The following HDAC4 variants were observed in gnomAD, a reference collection of about 807,000 sequenced individuals.
HDAC4 encodes the protein histone deacetylase 4, also known as histone deacetylase A.
A neutral mutation model predicts 135.1 loss-of-function variants in HDAC4; 16 were observed. The ratio of observed to expected loss-of-function variants is 0.12; its 90% CI spans 0.08 to 0.18. HDAC4 has a LOEUF of 0.18. HDAC4 is among the 10% of genes least tolerant of loss of function. The pLI, the probability that HDAC4 is intolerant of heterozygous loss-of-function variation, is 1.00. For missense variants in HDAC4, 1,143 were observed against 1,511.8 expected, an observed-to-expected ratio of 0.76 and a Z score of 4.05; for synonymous variants, 685 against 653.4, an observed-to-expected ratio of 1.05 and a Z score of -0.74.
At chr2:239,241,535 C>T (rs1248180575) in intron 2 of HDAC4, among the ~76,000 whole-genome samples, 4 of 152,152 alleles carry the variant, frequency 2.6e-5, no homozygotes, top group Non-Finnish European at 5.9e-5. Flanking sequence ...AACATTAATC[C>T]TCTGTCAATT....
intron 1 of HDAC4, among the ~76,000 whole-genome samples, chr2:239,397,032 A>G (rs1342548688): frequency 1.3e-5 from 2 of 152,274 alleles, no homozygotes; most frequent in Admixed American, 6.5e-5. Flanking sequence ...AGTACTGCCC[A>G]GACCTATGAA....
rs997255207 is a variant in HDAC4 at position 239,245,836 on chromosome 2, C to T, written c.23-9172G>A. Among the ~76,000 whole-genome samples, 6 of 152,208 alleles carry T rather than the reference C, an allele frequency of 3.9e-5. No individual in the cohort carries two copies. The highest frequency in any genetic ancestry group is 1.2e-4 in the African/African-American group (5 of 41,454). ...GTGATCTACCTAACTTGTTCCTTCA[C>T]GAATATCCCAACAGTCTTCAGTTCA... On this transcript the variant is annotated intron_variant, in intron 2 of 26. Coordinates refer to ENST00000543185, the MANE Select transcript of HDAC4 (RefSeq NM_001378414.1). The surrounding 1 kb of genome is among the most constrained non-coding windows in gnomAD (Gnocchi z 4.4).
chr2:239,198,769 G>A (rs1222533275), intron 3 of HDAC4, among the ~76,000 whole-genome samples: 1 of 152,040 alleles, frequency 6.6e-6, no homozygotes, highest in Admixed American at 6.6e-5. Context: ...ACCTTTCTCT[G>A]GAATATATAT....
At chr2:239,113,118 T>C (rs537920069) in intron 13 of HDAC4, among the ~76,000 whole-genome samples, 1 of 152,108 alleles carries the variant, frequency 6.6e-6, no homozygotes, top group South Asian at 2.1e-4. Flanking sequence ...GGCGTGATGG[T>C]GGGTGCCTGT....
chr2:239,225,703 TA>T (rs1364437191), intron 3 of HDAC4, among the ~76,000 whole-genome samples: 9 of 149,538 alleles, frequency 6.0e-5, no homozygotes, highest in African/African-American at 2.2e-4. Context: ...GGCGCCTGAC[TA>T]AACCGCCTTC....
chr2:239,390,170 G>A (rs980997946), intron 1 of HDAC4, among the ~76,000 whole-genome samples: 1 of 152,188 alleles, frequency 6.6e-6, no homozygotes, highest in Non-Finnish European at 1.5e-5. Flanking sequence ...ACAATTCCCT[G>A]AGGCCACAGT....
intron 22 of HDAC4, among the ~76,000 whole-genome samples, chr2:239,075,659 C>T (rs544241797): frequency 2.6e-4 from 39 of 152,348 alleles, no homozygotes; most frequent in Non-Finnish European, 4.6e-4. Flanking sequence ...CGTGTGAAGC[C>T]GTGGGGTGCC....
intron 19 of HDAC4, among the ~76,000 whole-genome samples, chr2:239,085,481 C>T (rs1386981230): frequency 6.6e-6 from 1 of 152,226 alleles, no homozygotes; most frequent in African/African-American, 2.4e-5. Flanking sequence ...TCACGGGGAG[C>T]ACAGCGAAGA....
chr2:239,196,710 G>A (rs1415714013), intron 3 of HDAC4, among the ~76,000 whole-genome samples: 1 of 152,106 alleles, frequency 6.6e-6, no homozygotes, highest in Non-Finnish European at 1.5e-5. Flanking sequence ...GTGTGGTCTG[G>A]GGGGTGAGCT....
At chr2:239,215,822 G>T (rs916403421) in intron 3 of HDAC4, among the ~76,000 whole-genome samples, 1 of 152,204 alleles carries the variant, frequency 6.6e-6, no homozygotes, top group Non-Finnish European at 1.5e-5. Context: ...GGCACTGGGG[G>T]TCTGCGAATC....
At chr2:239,217,306 T>C (rs1300153310) in intron 3 of HDAC4, among the ~76,000 whole-genome samples, 1 of 152,150 alleles carries the variant, frequency 6.6e-6, no homozygotes, top group African/African-American at 2.4e-5. Context: ...AACCCAACTT[T>C]CCAAAACCTA....
intron 12 of HDAC4, among the ~76,000 whole-genome samples, chr2:239,125,124 T>C (rs2040085210): frequency 6.6e-6 from 1 of 152,226 alleles, no homozygotes; most frequent in Non-Finnish European, 1.5e-5. Flanking sequence ...ACGGTTTGGA[T>C]CTGTGTCCCT....
chr2:239,194,082 G>A (rs879578809), intron 3 of HDAC4, among the ~76,000 whole-genome samples: 6 of 152,166 alleles, frequency 3.9e-5, no homozygotes, highest in Non-Finnish European at 7.3e-5. Context: ...ATGATCACAA[G>A]GTTCCTCACA....
chr2:239,196,937 C>A (rs1021789255), intron 3 of HDAC4, among the ~76,000 whole-genome samples: 8 of 152,196 alleles, frequency 5.3e-5, no homozygotes, highest in African/African-American at 1.9e-4. Flanking sequence ...CCAGACGCTG[C>A]CTCCGAAGCT....
At chr2:239,066,978 G>T in intron 23 of HDAC4, 123 bp from the exon 24 acceptor site, 1 of 1,212,766 alleles carries the variant, frequency 8.2e-7, no homozygotes, top group Non-Finnish European at 1.2e-6. Flanking sequence ...ACATGGCCAG[G>T]CCGGGTTTCG....
At chr2:239,383,708 G>C (rs1252409468) in intron 1 of HDAC4, among the ~76,000 whole-genome samples, 2 of 152,038 alleles carry the variant, frequency 1.3e-5, no homozygotes, top group East Asian at 3.9e-4. Context: ...TCAAGGGCGT[G>C]GGGTGGGGGG....
At chr2:239,185,965 C>T (rs35245395) in intron 4 of HDAC4, among the ~76,000 whole-genome samples, 27,908 of 152,042 alleles carry the variant, frequency 0.18, 2,939 homozygotes, top group East Asian at 0.32. Flanking sequence ...ACCTGGGAGG[C>T]GAAGATTGAA....
intron 7 of HDAC4, among the ~76,000 whole-genome samples, chr2:239,149,895 G>T (rs1045226652): frequency 5.5e-4 from 84 of 152,274 alleles, no homozygotes; most frequent in African/African-American, 1.9e-3. Flanking sequence ...TGCTGGGGAG[G>T]GGGTATCATT....
At chr2:239,165,343 A>G (rs78043480) in intron 5 of HDAC4, among the ~76,000 whole-genome samples, 13,051 of 152,218 alleles carry the variant, frequency 0.086, 640 homozygotes, top group East Asian at 0.17. Context: ...GCCCAAATCC[A>G]AAAGCCAGCA....
Sources: allele counts gnomAD v4.1 joint callset (sites outside exome capture counted in the v4.1 genomes callset), GRCh38; gene constraint gnomAD v4.1.1; non-coding constraint Gnocchi (gnomAD v3.1); transcripts MANE v1.5; gene names NCBI Gene and HGNC (gene_info 2026-07-23, HGNC 2026-07-21).